STXBP3: variants seen among roughly 807,000 people sequenced by gnomAD.
The protein encoded by STXBP3 is syntaxin-binding protein 3.
A neutral mutation model predicts 85.7 loss-of-function variants in STXBP3; 41 were observed. The observed-to-expected ratio is 0.48, with a 90% CI of 0.37 to 0.62. The LOEUF (loss-of-function observed/expected upper bound fraction) is 0.62, where lower values mean the gene tolerates loss of function less well. STXBP3 is among the 20% of genes least tolerant of loss of function. The pLI is 0.00. For missense variants in STXBP3, 563 were observed against 703.1 expected (o/e 0.80, Z 2.25); for synonymous variants, 229 against 231.7 (o/e 0.99, Z 0.10).
intron 4 of STXBP3, 101 bp from the exon 5 acceptor site, chr1:108,758,409 T>G: frequency 1.7e-6 from 1 of 585,432 alleles, no homozygotes; most frequent in Non-Finnish European, 2.7e-6. Flanking sequence ...CAGTAAAGTT[T>G]TATTTTGTCA....
chr1:108,780,935 T>A (rs1662705016), intron 9 of STXBP3: 1 of 151,646 alleles, frequency 6.6e-6, no homozygotes, highest in Non-Finnish European at 1.5e-5. Context: ...GCCTGGCTCA[T>A]TTTTGTGTTT....
At chr1:108,786,248 A>G (rs533932526) in intron 11 of STXBP3, among the ~76,000 whole-genome samples, 2 of 152,300 alleles carry the variant, frequency 1.3e-5, no homozygotes, top group South Asian at 4.1e-4. Context: ...AGGGGAGAGA[A>G]AGAATGCCGA....
At chr1:108,757,751 A>T (rs1162564283) in intron 4 of STXBP3, among the ~76,000 whole-genome samples, 1 of 152,034 alleles carries the variant, frequency 6.6e-6, no homozygotes, top group Non-Finnish European at 1.5e-5. Context: ...AATGTTTTAT[A>T]TTTTAGAGTT....
chr1:108,808,467 A>G (rs1193311065), intron 18 of STXBP3, among the ~76,000 whole-genome samples: 3 of 152,222 alleles, frequency 2.0e-5, no homozygotes, highest in South Asian at 2.1e-4. Context: ...GTGGATCTCT[A>G]TTATTGAACA....
At chr1:108,780,460 A>C (rs1417127780) in intron 9 of STXBP3, 1 of 151,990 alleles carries the variant, frequency 6.6e-6, no homozygotes, top group African/African-American at 2.4e-5. Flanking sequence ...TTCTGAATCA[A>C]AAACATTCAG....
At chr1:108,779,660 C>T (rs1662672992) in intron 9 of STXBP3, 1 of 276,280 alleles carries the variant, frequency 3.6e-6, no homozygotes, top group Non-Finnish European at 6.6e-6. Flanking sequence ...TACAGTAGAG[C>T]TACATTTAAA....
chr1:108,760,306 C>T (rs1418478815), intron 6 of STXBP3, among the ~76,000 whole-genome samples: 1 of 152,020 alleles, frequency 6.6e-6, no homozygotes, highest in Non-Finnish European at 1.5e-5. Flanking sequence ...GCCACCAAGT[C>T]CTTTGTCAAA....
At chr1:108,793,162 T>TTTTTCTTTTTC (rs1404529063) in intron 11 of STXBP3, among the ~76,000 whole-genome samples, 1 of 142,110 alleles carries the variant, frequency 7.0e-6, no homozygotes, top group African/African-American at 2.6e-5. Context: ...TCTCCATTTT[T>TTTTTCTTTTTC]TTTTTTTTTT....
At chr1:108,792,139 A>G (rs1016881452) in intron 11 of STXBP3, among the ~76,000 whole-genome samples, 2 of 152,224 alleles carry the variant, frequency 1.3e-5, no homozygotes, top group Non-Finnish European at 2.9e-5. Context: ...AACAGATGTT[A>G]TCATTTGCTA....
At position 108,771,407 on chromosome 1, in the gene STXBP3, T is replaced by TAG. The variant is rs1491185773; in HGVS notation, c.439-1257_439-1256insGA. On this transcript the variant is annotated intron_variant, in intron 6 of 18. Coordinates refer to ENST00000370008, the MANE Select transcript of STXBP3 (RefSeq NM_007269.4). ...TATATAAATATATATGATATATATC[T>TAG]ATATATATAATATATAAATATATAT... is the stretch of plus-strand genomic sequence containing the variant. Among the ~76,000 whole-genome samples the TAG allele has an allele frequency of 4.2e-3, 59 of 14,078 alleles. 3 individuals carry two copies. The highest frequency in any genetic ancestry group is 0.016 in the African/African-American group (58 of 3,598). The allele number at this position is 14,078 out of a possible 152,430, so 9.2% of individuals were successfully genotyped here.
At chr1:108,747,771 C>T (rs1474477196) in intron 1 of STXBP3, among the ~76,000 whole-genome samples, 1 of 152,208 alleles carries the variant, frequency 6.6e-6, no homozygotes, top group Non-Finnish European at 1.5e-5. Context: ...TAGTGCTTAA[C>T]ATATAGCAGG....
At chr1:108,784,701 T>G (rs1655600670) in intron 11 of STXBP3, among the ~76,000 whole-genome samples, 1 of 145,308 alleles carries the variant, frequency 6.9e-6, no homozygotes, top group Non-Finnish European at 1.5e-5. Context: ...GTCCAGAGTT[T>G]CATCTGAGAT....
chr1:108,796,825 T>G, intron 15 of STXBP3, 99 bp downstream of exon 15: 1 of 757,424 alleles, frequency 1.3e-6, no homozygotes, highest in Non-Finnish European at 1.9e-6. Flanking sequence ...TCTTCTTAAG[T>G]TCACTCTATA....
At chr1:108,787,221 T>C (rs749882510) in intron 11 of STXBP3, among the ~76,000 whole-genome samples, 1 of 151,888 alleles carries the variant, frequency 6.6e-6, no homozygotes, top group Non-Finnish European at 1.5e-5. Context: ...CCCCCCACCC[T>C]TGCCTCCCTA....
At position 108,779,242 on chromosome 1, in the gene STXBP3, A is replaced by C. The variant is rs775174571; in HGVS notation, c.685-44A>C. ...AAGATATTAAAACTATGTTCACACT[A>C]AGAAATTGAAGCTGCTTAAGATGAT... On this transcript the variant is annotated intron_variant, in intron 8 of 18. Transcript: ENST00000370008. 48 of 1,584,058 alleles carry C rather than the reference A, an allele frequency of 3.0e-5. No individual in the cohort carries two copies. In the Admixed American group the frequency reaches 7.4e-4, roughly 25 times the overall value.
intron 1 of STXBP3, among the ~76,000 whole-genome samples, chr1:108,747,565 C>A (rs1164151345): frequency 6.6e-6 from 1 of 152,186 alleles, no homozygotes; most frequent in African/African-American, 2.4e-5. Context: ...AGAATGAAAC[C>A]ACCCAACAGG....
chr1:108,808,949 A>G lies in STXBP3; in HGVS notation c.*72A>G, dbSNP rs1337492782. 4.8e-6 allele frequency: 5 copies of G among 1,031,672 alleles called. No homozygotes were observed. In the East Asian group the frequency reaches 9.9e-5, roughly 20 times the overall value. The allele number at this position is 1,031,672 out of a possible 1,614,324, so 63.9% of individuals were successfully genotyped here. On this transcript the variant is annotated 3_prime_UTR_variant, in exon 19 of 19. Transcript: ENST00000370008. ...AAAATAGAAAGAAAATGTTGCTGTCATGTAATTTAAACAATGTAAATATTT... is the reference window on the plus strand; with the variant it reads ...AAAATAGAAAGAAAATGTTGCTGTCGTGTAATTTAAACAATGTAAATATTT...
Position 108,809,256 on chromosome 1 carries a change from T to G in STXBP3, c.*379T>G, listed in dbSNP as rs561538504. The G allele has an allele frequency of 6.4e-6, 1 of 156,948 alleles. No homozygotes were observed. Among genetic ancestry groups the G allele is most frequent in the South Asian group, 2.0e-4 (1 of 5,022 alleles). 9.7% of individuals were successfully genotyped at this position (156,948 alleles called of 1,614,324 possible). On this transcript the variant is annotated 3_prime_UTR_variant, in exon 19 of 19. Transcript: ENST00000370008. ...GTTTTTGGGAAAGAATGATTTTAAA[T>G]AAAGAGATTGTAAAAGTAAAAAACT...
Position 108,771,580 on chromosome 1 carries a change from A to C in STXBP3, c.439-1085A>C, listed in dbSNP as rs866003449. On this transcript the variant is annotated intron_variant, in intron 6 of 18. Transcript: ENST00000370008. Reference sequence around the variant, plus strand: ...TATGATATATAAATATATATGATATATATCTATATATATCATATATAAATA... The same window carrying C: ...TATGATATATAAATATATATGATATCTATCTATATATATCATATATAAATA... 5.1e-4 allele frequency among the ~76,000 whole-genome samples: 21 copies of C among 41,260 alleles called. 5 individuals are homozygous for C. The highest frequency in any genetic ancestry group is 7.1e-4 in the South Asian group (1 of 1,402). 27.1% of individuals were successfully genotyped at this position (41,260 alleles called of 152,430 possible).
Sources: gnomAD v4.1 joint callset for allele counts (sites outside exome capture counted in the v4.1 genomes callset) on GRCh38, gnomAD v4.1.1 for gene constraint, MANE v1.5 for transcripts, NCBI Gene and HGNC (gene_info 2026-07-23, HGNC 2026-07-21) for gene names.